KHDC4: variants seen among roughly 807,000 people sequenced by gnomAD.
KHDC4 encodes the protein KH domain containing 4, pre-mRNA splicing factor, also known as KH homology domain-containing protein 4.
Under a neutral mutation model 74.5 loss-of-function variants are expected in KHDC4, and 19 were observed. The observed-to-expected ratio is 0.26, with a 90% CI of 0.18 to 0.37. The LOEUF is 0.37. Ranked by LOEUF, KHDC4 falls within the 10% of genes least tolerant of loss-of-function variation. KHDC4 has a pLI of 1.00. For missense variants in KHDC4, 632 were observed against 754.1 expected, an observed-to-expected ratio of 0.84 and a Z score of 1.90; for synonymous variants, 253 against 266.1, an observed-to-expected ratio of 0.95 and a Z score of 0.48.
intron 1 of KHDC4, among the ~76,000 whole-genome samples, 172 bp from the exon 2 acceptor site, chr1:155,934,021 A>C (rs1271806309): frequency 6.6e-6 from 1 of 151,794 alleles, no homozygotes; most frequent in East Asian, 1.9e-4. Context: ...TATTTAACAA[A>C]CCCCCACTTT....
chr1:155,927,303 T>C (rs1674024959), intron 4 of KHDC4, 147 bp from the exon 5 acceptor site: 1 of 614,514 alleles, frequency 1.6e-6, no homozygotes. Flanking sequence ...TGCTAGCTAA[T>C]GTCTCAGAAC....
chr1:155,916,269 CATGT>C (rs1201337511), intron 12 of KHDC4, among the ~76,000 whole-genome samples: 1 of 152,178 alleles, frequency 6.6e-6, no homozygotes, highest in African/African-American at 2.4e-5. Flanking sequence ...CTCCCACATT[CATGT>C]ACTTCCATCC....
At chr1:155,927,875 A>ACACACACACACAC (rs1557970782) in intron 4 of KHDC4, among the ~76,000 whole-genome samples, 7 of 71,622 alleles carry the variant, frequency 9.8e-5, no homozygotes, top group African/African-American at 3.7e-4. Flanking sequence ...CACACACACA[A>ACACACACACACAC]AATTAATGGG....
At chr1:155,921,975 G>T in intron 8 of KHDC4, 57 bp from the exon 9 acceptor site, 1 of 1,060,790 alleles carries the variant, frequency 9.4e-7, no homozygotes, top group South Asian at 1.4e-5. Context: ...GCATTTACAA[G>T]GGTCTGATTA....
Position 155,927,835 on chromosome 1 carries a change from C to A in KHDC4, c.465-679G>T, listed in dbSNP as rs1674046109. Among the ~76,000 whole-genome samples, 85 of 9,188 alleles carry A rather than the reference C, an allele frequency of 9.3e-3. 6 individuals are homozygous for A. Among genetic ancestry groups the A allele is most frequent in the East Asian group, 0.037 (8 of 216 alleles). The allele number at this position is 9,188 out of a possible 152,430, so 6.0% of individuals were successfully genotyped here. A position where few individuals can be genotyped will look rare whatever the true frequency, so the allele number is the denominator to read the frequency against. Reference sequence around the variant, plus strand: ...AAAAAAAAAAAAAAAAAAAAAACCACACACACACACACACACACACACACA... The same window carrying A: ...AAAAAAAAAAAAAAAAAAAAAACCAAACACACACACACACACACACACACA... On this transcript the variant is annotated intron_variant, in intron 4 of 13. Coordinates refer to ENST00000368321, the MANE Select transcript of KHDC4 (RefSeq NM_014949.4).
rs370927144 is a variant in KHDC4 at position 155,934,392 on chromosome 1, A to G, written c.-19T>C. On this transcript the variant is annotated 5_prime_UTR_variant, in exon 1 of 14. Transcript: ENST00000368321. ...CGGACATGGCGACCGCTTCTACTCA[A>G]CCACCCGCCAACTATCCGACTACCA... 1.9e-6 allele frequency: 3 copies of G among 1,610,966 alleles called. No individual in the cohort carries two copies. The highest frequency in any genetic ancestry group is 2.5e-6 in the Non-Finnish European group (3 of 1,179,496).
Position 155,915,875 on chromosome 1 carries a change from T to G in KHDC4, c.1643A>C (p.His548Pro). Residue 548 changes from histidine (H) to proline (P), a missense_variant and splice_region_variant, in exon 13 of 14, where the codon CAT becomes CCT. His to Pro is a moderately conservative substitution (Grantham distance 77). This residue lies in a region of KHDC4 where 254 missense variants were observed against 267.4 expected (regional missense o/e 0.95). Transcript: ENST00000368321. ...RNGSGTLTGS[H>P]DYPAKKMKTT... ...TCCCCCAGCTATATCACACTCACCA[T>G]GGCTCCCTGTTAAGGTCCCAGACCC... The G allele has an allele frequency of 6.3e-7, 1 of 1,584,944 alleles. No individual in the cohort carries two copies. Among genetic ancestry groups the G allele is most frequent in the Non-Finnish European group, 8.6e-7 (1 of 1,162,024 alleles).
At chr1:155,927,822 A>AC (rs1034112235) in intron 4 of KHDC4, among the ~76,000 whole-genome samples, 6 of 105,154 alleles carry the variant, frequency 5.7e-5, no homozygotes, top group African/African-American at 2.2e-4. Flanking sequence ...AAAAAAAAAA[A>AC]AAAAAAAAAC....
rs1572002396 is a variant in KHDC4 at position 155,914,027 on chromosome 1, G to T, written c.*94C>A. 1 of 1,110,714 alleles carries T rather than the reference G, an allele frequency of 9.0e-7. No homozygotes were observed. 68.8% of individuals were successfully genotyped at this position (1,110,714 alleles called of 1,614,324 possible). ...TCTAACTTCTGCAAAGGTCCAGATG[G>T]TTCCCAGCACAGGCCCCAGAGTCTT... On this transcript the variant is annotated 3_prime_UTR_variant, in exon 14 of 14. Transcript: ENST00000368321.
At chr1:155,917,462 T>A in intron 11 of KHDC4, 37 bp downstream of exon 11, 2 of 1,495,802 alleles carry the variant, frequency 1.3e-6, no homozygotes, top group Non-Finnish European at 1.9e-6. Flanking sequence ...AGTAGAAGAA[T>A]AAGGTGAAGA....
Position 155,929,844 on chromosome 1 carries a change from GA to G in KHDC4, c.256-5del. 1 of 1,551,940 alleles carries G rather than the reference GA, an allele frequency of 6.4e-7. No homozygotes were observed. Among genetic ancestry groups the G allele is most frequent in the Non-Finnish European group, 8.7e-7 (1 of 1,154,888 alleles). On this transcript the variant is annotated splice_region_variant and splice_polypyrimidine_tract_variant and intron_variant, in intron 2 of 13. Coordinates refer to ENST00000368321, the MANE Select transcript of KHDC4 (RefSeq NM_014949.4). Reference sequence around the variant, plus strand: ...GGCCTTTGCCAGGAGCCTGAAGCTAGAAAAAAGAGAAATTAGATTAAAAAGT... The same window carrying G: ...GGCCTTTGCCAGGAGCCTGAAGCTAGAAAAAGAGAAATTAGATTAAAAAGT...
intron 3 of KHDC4, 87 bp from the exon 4 acceptor site, chr1:155,929,462 C>T: frequency 8.3e-7 from 1 of 1,203,904 alleles, no homozygotes; most frequent in South Asian, 1.3e-5. Flanking sequence ...ATTCATTCAA[C>T]CAAGTAAAGA....
rs750832199 is a variant in KHDC4 at position 155,933,609 on chromosome 1, T to C, written c.255+24A>G. 7.7e-6 allele frequency: 12 copies of C among 1,568,120 alleles called. No individual in the cohort carries two copies. The Middle Eastern group carries it at 6.7e-4, about 88-fold the overall frequency. ...AAACAACTATTAAATTCGCAATTAG[T>C]GGAGACCCTTCAACTTCAAATACCT... On this transcript the variant is annotated intron_variant, in intron 2 of 13. Transcript: ENST00000368321.
chr1:155,929,251 G>A (rs931979815), intron 4 of KHDC4, 45 bp downstream of exon 4: 1 of 1,344,628 alleles, frequency 7.4e-7, no homozygotes, highest in Non-Finnish European at 1.1e-6. Flanking sequence ...GCTAACGTGA[G>A]TCATACACCC....
Position 155,927,803 on chromosome 1 carries a change from C to CAAA in KHDC4, c.465-650_465-648dup, listed in dbSNP as rs1157393289. Among the ~76,000 whole-genome samples, 4 of 8,148 alleles carry CAAA rather than the reference C, an allele frequency of 4.9e-4. 2 individuals are homozygous for CAAA. The highest frequency in any genetic ancestry group is 8.7e-4 in the Non-Finnish European group (4 of 4,624). The allele number at this position is 8,148 out of a possible 152,430, so 5.3% of individuals were successfully genotyped here. On this transcript the variant is annotated intron_variant, in intron 4 of 13. Coordinates refer to ENST00000368321, the MANE Select transcript of KHDC4 (RefSeq NM_014949.4). ...GGGCAACAGAACAAGACTCTGTCTC[C>CAAA]AAAAAAAAAAAAAAAAAAAAAAAAA...
intron 13 of KHDC4, chr1:155,915,532 G>A (rs1673712922): frequency 3.3e-6 from 1 of 307,030 alleles, no homozygotes; most frequent in South Asian, 1.5e-4. Context: ...TTATGAGATG[G>A]AGTCTTGCTC....
At chr1:155,932,925 T>G (rs1207533315) in intron 2 of KHDC4, among the ~76,000 whole-genome samples, 1 of 151,956 alleles carries the variant, frequency 6.6e-6, no homozygotes, top group East Asian at 1.9e-4. Flanking sequence ...GGTGACAGAG[T>G]GAGACTCTAT....
intron 10 of KHDC4, among the ~76,000 whole-genome samples, chr1:155,920,540 T>C (rs1673839929): frequency 6.6e-6 from 1 of 152,190 alleles, no homozygotes; most frequent in Admixed American, 6.5e-5. Flanking sequence ...TTACATAATG[T>C]TGCTTTTTAA....
rs779716841 is a variant in KHDC4, at chr1:155,927,190, GT to G, written c.465-35del. The stretch of plus-strand genomic sequence containing the variant: ...AGAAACAAAAAAGGATGATCTCAAT[GT>G]GGTCAAAACCAAAAAAGGAGTCAAA... On this transcript the variant is annotated intron_variant, in intron 4 of 13. Coordinates refer to ENST00000368321, the MANE Select transcript of KHDC4 (RefSeq NM_014949.4). 7.5e-6 allele frequency: 12 copies of G among 1,594,088 alleles called. No individual in the cohort carries two copies. The South Asian group carries it at 1.2e-4, about 16-fold the overall frequency.
Sources: allele counts gnomAD v4.1 joint callset (sites outside exome capture counted in the v4.1 genomes callset), GRCh38; gene constraint gnomAD v4.1.1; regional missense constraint gnomAD v4.1.1; transcripts MANE v1.5; gene names NCBI Gene and HGNC (gene_info 2026-07-23, HGNC 2026-07-21).